CUBN: variants seen among roughly 807,000 people sequenced by gnomAD.
The protein encoded by CUBN is cubilin, also known as 460 kDa receptor.
In CUBN, 282 loss-of-function variants were observed where a neutral mutation model predicts 405.3. The observed-to-expected ratio is 0.70, with a 90% CI of 0.63 to 0.77. The LOEUF (loss-of-function observed/expected upper bound fraction) is 0.77, where lower values mean the gene tolerates loss of function less well. Among genes scored for constraint, CUBN ranks in the 30% least tolerant of loss-of-function variants. The pLI is 0.00. For missense variants in CUBN, 4,514 were observed against 4,475.2 expected (o/e 1.01, Z -0.25); for synonymous variants, 1,684 against 1,617.0 (o/e 1.04, Z -0.99).
chr10:16,880,270 T>C (rs908614836), intron 56 of CUBN, among the ~76,000 whole-genome samples: 11 of 152,286 alleles, frequency 7.2e-5, no homozygotes, highest in Admixed American at 2.6e-4. Context: ...ATCCTGACCA[T>C]GGTTGATTGA....
chr10:17,042,276 C>G (rs1329048528), intron 26 of CUBN, among the ~76,000 whole-genome samples: 1 of 152,098 alleles, frequency 6.6e-6, no homozygotes, highest in Non-Finnish European at 1.5e-5. Flanking sequence ...TTTTAGAAGA[C>G]TGTGAGAAGG....
At chr10:16,880,503 AAG>A (rs984141225) in intron 56 of CUBN, among the ~76,000 whole-genome samples, 1 of 152,200 alleles carries the variant, frequency 6.6e-6, no homozygotes, top group Non-Finnish European at 1.5e-5. Flanking sequence ...AAGAGCGGGG[AAG>A]AGAGAGCATG....
intron 27 of CUBN, among the ~76,000 whole-genome samples, chr10:17,021,996 C>T (rs1454076978): frequency 1.3e-5 from 2 of 152,180 alleles, no homozygotes; most frequent in Non-Finnish European, 2.9e-5. Flanking sequence ...GTGATTTCCC[C>T]CGCCAGCTGT....
rs578218416 is a variant in CUBN at position 16,901,449 on chromosome 10, T to A, written c.8073A>T (p.Gly2691=). ...TCACTCCACTGTCACCTATCTGTAT[T>A]CCGCCACAATCTGAAATGAGATTGG... ...HAKYSFTDCG[G]IQIGDSGVIT... The change falls in exon 52 of 67, where the codon GGA becomes GGT. Residue 2691 remains glycine, a synonymous_variant. Transcript: ENST00000377833. 6.2e-7 allele frequency: 1 copy of A among 1,614,112 alleles called. No homozygotes were observed. Among genetic ancestry groups the A allele is most frequent in the South Asian group, 1.1e-5 (1 of 91,082 alleles).
chr10:16,934,307 T>C (rs56868323), intron 39 of CUBN, among the ~76,000 whole-genome samples: 2,136 of 152,334 alleles, frequency 0.014, 52 homozygotes, highest in African/African-American at 0.048. Flanking sequence ...ATCACTTTTA[T>C]GTAGCAATAT....
At chr10:16,918,844 CT>C in intron 44 of CUBN, 44 bp from the exon 45 acceptor site, 1 of 1,544,202 alleles carries the variant, frequency 6.5e-7, no homozygotes. Context: ...TGGTCAGATG[CT>C]TATTTTGATA....
chr10:17,042,141 T>C (rs753044493), intron 26 of CUBN, among the ~76,000 whole-genome samples: 1 of 152,194 alleles, frequency 6.6e-6, no homozygotes, highest in Non-Finnish European at 1.5e-5. Flanking sequence ...TTTAAAAAAG[T>C]GTACATTTGT....
At chr10:17,041,277 G>T in intron 26 of CUBN, 57 bp from the exon 27 acceptor site, 1 of 1,412,818 alleles carries the variant, frequency 7.1e-7, no homozygotes, top group Non-Finnish European at 1.0e-6. Context: ...AGTGCTCCAA[G>T]ATGAGATTTT....
At chr10:16,896,328 T>A (rs1437486840) in intron 54 of CUBN, among the ~76,000 whole-genome samples, 2 of 152,224 alleles carry the variant, frequency 1.3e-5, no homozygotes, top group African/African-American at 4.8e-5. Flanking sequence ...GAACTTCTGT[T>A]TGACCATCTT....
chr10:16,867,078 A>T (rs1327089147), intron 59 of CUBN, among the ~76,000 whole-genome samples: 2 of 152,178 alleles, frequency 1.3e-5, no homozygotes, highest in Non-Finnish European at 2.9e-5. Context: ...GCAAAACCCT[A>T]CTTAGTGTTT....
intron 43 of CUBN, 75 bp from the exon 44 acceptor site, chr10:16,920,212 A>G: frequency 7.0e-7 from 1 of 1,423,338 alleles, no homozygotes; most frequent in Non-Finnish European, 9.8e-7. Context: ...ATCATCTTTT[A>G]AAGTCGACTT....
At chr10:16,935,879 C>CAAAAAAAAAAAAAAAAAA (rs369098280) in intron 39 of CUBN, among the ~76,000 whole-genome samples, 4 of 71,390 alleles carry the variant, frequency 5.6e-5, no homozygotes, top group Admixed American at 1.9e-4. Context: ...GACTCCATCT[C>CAAAAAAAAAAAAAAAAAA]AAAAAAAAAA....
chr10:16,880,732 G>A (rs945334162), intron 56 of CUBN, among the ~76,000 whole-genome samples: 19 of 152,158 alleles, frequency 1.2e-4, no homozygotes, highest in Non-Finnish European at 2.4e-4. Flanking sequence ...AATACATTCA[G>A]CTCCTTCGCT....
chr10:17,110,556 C>G (rs892886679), intron 9 of CUBN, among the ~76,000 whole-genome samples: 1 of 152,072 alleles, frequency 6.6e-6, no homozygotes, highest in African/African-American at 2.4e-5. Context: ...AAGACAGAGT[C>G]TCACTCTGTT....
Position 16,907,615 on chromosome 10 carries a change from C to T in CUBN, c.7598G>A (p.Ser2533Asn), listed in dbSNP as rs764404328. ...LEKLCSSVNV[S>N]NEIKSSGNTM... ...GTTTCCTGAAGATTTAATCTCATTGCTTACATTCACACTACTACACAGTTT... is the reference window on the plus strand; with the variant it reads ...GTTTCCTGAAGATTTAATCTCATTGTTTACATTCACACTACTACACAGTTT... Residue 2533 changes from serine (S) to asparagine (N), a missense_variant, in exon 49 of 67, where the codon AGC becomes AAC. This residue lies in a region of CUBN where 1,613 missense variants were observed against 1,542.8 expected (regional missense o/e 1.05). Transcript: ENST00000377833. 1 of 1,612,924 alleles carries T rather than the reference C, an allele frequency of 6.2e-7. No homozygotes were observed. Among genetic ancestry groups the T allele is most frequent in the African/African-American group, 1.3e-5 (1 of 74,880 alleles).
At chr10:16,974,666 C>T (rs1210941481) in intron 31 of CUBN, among the ~76,000 whole-genome samples, 7 of 152,130 alleles carry the variant, frequency 4.6e-5, no homozygotes, top group Admixed American at 1.3e-4. Context: ...CCACCGCGCC[C>T]GGCCTACAGT....
chr10:16,839,528 A>C, intron 62 of CUBN, among the ~76,000 whole-genome samples: 1 of 130,114 alleles, frequency 7.7e-6, no homozygotes, highest in Non-Finnish European at 1.8e-5. Flanking sequence ...ACCATCTCAC[A>C]CCAGTTAGAA....
intron 26 of CUBN, among the ~76,000 whole-genome samples, chr10:17,042,055 G>T (rs1835032583): frequency 6.6e-6 from 1 of 152,138 alleles, no homozygotes; most frequent in African/African-American, 2.4e-5. Context: ...AGCTGTCTCT[G>T]AAAGTGTGAT....
chr10:16,954,633 A>G, intron 31 of CUBN, 85 bp from the exon 32 acceptor site: 2 of 1,395,416 alleles, frequency 1.4e-6, no homozygotes, highest in Non-Finnish European at 2.0e-6. Flanking sequence ...ACGCCGATAT[A>G]CTAGTGGATA....
Sources: allele counts gnomAD v4.1 joint callset (sites outside exome capture counted in the v4.1 genomes callset), GRCh38; gene constraint gnomAD v4.1.1; regional missense constraint gnomAD v4.1.1; transcripts MANE v1.5; gene names NCBI Gene and HGNC (gene_info 2026-07-23, HGNC 2026-07-21).